Variants in UBR1 observed in about 807,000 individuals in gnomAD.
UBR1 encodes E3 ubiquitin-protein ligase UBR1.
A neutral mutation model predicts 242.1 loss-of-function variants in UBR1; 102 were observed. That is an observed-to-expected ratio of 0.42 (90% CI 0.36 to 0.50). The LOEUF is 0.50. Among genes scored for constraint, UBR1 ranks in the 20% least tolerant of loss-of-function variants. UBR1 has a pLI of 0.01. For missense variants in UBR1, 1,772 were observed against 2,101.8 expected, an observed-to-expected ratio of 0.84 and a Z score of 3.07; for synonymous variants, 675 against 684.8, an observed-to-expected ratio of 0.99 and a Z score of 0.22.
At chr15:43,054,966 T>C in intron 11 of UBR1, 67 bp from the exon 12 acceptor site, 2 of 1,545,826 alleles carry the variant, frequency 1.3e-6, no homozygotes, top group Non-Finnish European at 1.8e-6. Flanking sequence ...AATTTATTCA[T>C]TCATTTGGTT....
At chr15:43,069,487 G>A (rs191114375) in intron 5 of UBR1, among the ~76,000 whole-genome samples, 301 of 152,254 alleles carry the variant, frequency 2.0e-3, no homozygotes, top group African/African-American at 7.1e-3. Flanking sequence ...ATGCTAGCCA[G>A]GATGGTCTCG....
chr15:43,079,418 A>G (rs927236498), intron 3 of UBR1, among the ~76,000 whole-genome samples: 1 of 152,246 alleles, frequency 6.6e-6, no homozygotes, highest in African/African-American at 2.4e-5. Flanking sequence ...AAAAGGGCCC[A>G]TGAATTCTTG....
intron 26 of UBR1, among the ~76,000 whole-genome samples, chr15:43,022,231 T>C (rs1043286543): frequency 6.6e-5 from 10 of 152,160 alleles, no homozygotes; most frequent in African/African-American, 2.4e-4. Context: ...GTAGCATTTA[T>C]TAGAAATCTA....
chr15:43,020,941 ATTTG>A, intron 27 of UBR1: 1 of 265,880 alleles, frequency 3.8e-6, no homozygotes, highest in Non-Finnish European at 7.3e-6. Flanking sequence ...TTGTTTATTT[ATTTG>A]TTTAATGTCT....
intron 6 of UBR1, among the ~76,000 whole-genome samples, chr15:43,064,904 C>A (rs750704608): frequency 6.6e-6 from 1 of 152,138 alleles, no homozygotes; most frequent in Non-Finnish European, 1.5e-5. Context: ...CAGGGTCCTA[C>A]TAGGACAAAA....
intron 3 of UBR1, among the ~76,000 whole-genome samples, 182 bp from the exon 4 acceptor site, chr15:43,075,271 C>G (rs1038699583): frequency 1.3e-5 from 2 of 152,112 alleles, no homozygotes; most frequent in African/African-American, 4.8e-5. Flanking sequence ...AACCAACAAA[C>G]CAAAACTTCC....
chr15:43,001,659 T>A (rs2032727239), intron 32 of UBR1, among the ~76,000 whole-genome samples: 2 of 152,206 alleles, frequency 1.3e-5, no homozygotes, highest in Admixed American at 6.5e-5. Context: ...AAATATATAA[T>A]TAAATTTCCA....
Position 43,070,804 on chromosome 15 carries a change from A to C in UBR1, c.650T>G (p.Leu217Arg), listed in dbSNP as rs2033815615. ...WEEEKELPPE[L>R]QIREKNERYY... ...TGACAGTTTTCCCCACCTTATCTGG[A>C]GTTCAGGAGGCAGTTCTTTTTCCTC... The change falls in exon 5 of 47, where the codon CTC (leucine) becomes CGC (arginine). Residue 217 changes from leucine to arginine, a missense_variant. Leu to Arg is a moderately radical substitution (Grantham distance 102). Transcript: ENST00000290650. 6.2e-7 allele frequency: 1 copy of C among 1,613,442 alleles called. No homozygotes were observed. The highest frequency in any genetic ancestry group is 8.5e-7 in the Non-Finnish European group (1 of 1,179,958).
At chr15:43,027,990 C>T (rs906961956) in intron 21 of UBR1, among the ~76,000 whole-genome samples, 162 bp from the exon 22 acceptor site, 5 of 152,118 alleles carry the variant, frequency 3.3e-5, no homozygotes, top group African/African-American at 7.2e-5. Flanking sequence ...CAATTATCTA[C>T]GTTTTGGGAG....
At chr15:43,050,271 T>C (rs889388181) in intron 12 of UBR1, among the ~76,000 whole-genome samples, 2 of 152,048 alleles carry the variant, frequency 1.3e-5, no homozygotes, top group South Asian at 2.1e-4. Flanking sequence ...CCCAGATGAT[T>C]TGCTTCTGCA....
chr15:42,947,560 T>G (rs1462317360), intron 46 of UBR1, among the ~76,000 whole-genome samples: 1 of 152,086 alleles, frequency 6.6e-6, no homozygotes, highest in Non-Finnish European at 1.5e-5. Flanking sequence ...AAAATCTCCT[T>G]AAGCTGATAA....
intron 5 of UBR1, 147 bp from the exon 6 acceptor site, chr15:43,068,183 GA>G: frequency 3.4e-6 from 1 of 294,264 alleles, no homozygotes; most frequent in Non-Finnish European, 6.1e-6. Flanking sequence ...TATAGAATTT[GA>G]TTTTTTTTTT....
chr15:43,048,819 C>G (rs1447400492), intron 12 of UBR1, among the ~76,000 whole-genome samples: 2 of 152,208 alleles, frequency 1.3e-5, no homozygotes, highest in African/African-American at 2.4e-5. Context: ...TTCCCTAGAA[C>G]TGTTCACACC....
intron 35 of UBR1, among the ~76,000 whole-genome samples, chr15:42,986,080 T>G (rs1210973940): frequency 1.3e-5 from 2 of 152,110 alleles, no homozygotes; most frequent in Non-Finnish European, 2.9e-5. Context: ...ATGGTATTTA[T>G]TCCTAAATTA....
chr15:43,050,776 G>C (rs1172518771), intron 12 of UBR1, among the ~76,000 whole-genome samples: 1 of 146,728 alleles, frequency 6.8e-6, no homozygotes, highest in Non-Finnish European at 1.5e-5. Flanking sequence ...GAACAGAACA[G>C]ACACTTTTCA....
chr15:42,994,257 C>G (rs766541003), intron 33 of UBR1, among the ~76,000 whole-genome samples: 1 of 151,666 alleles, frequency 6.6e-6, no homozygotes, highest in Admixed American at 6.6e-5. Context: ...TATTAATAAT[C>G]CATGGAAAGG....
At chr15:43,035,659 T>C (rs1317038097) in intron 19 of UBR1, among the ~76,000 whole-genome samples, 2 of 149,716 alleles carry the variant, frequency 1.3e-5, no homozygotes, top group African/African-American at 4.9e-5. Flanking sequence ...ATTTTGTCTT[T>C]TGTTGCCATT....
intron 4 of UBR1, among the ~76,000 whole-genome samples, chr15:43,071,293 C>G (rs1045054427): frequency 2.0e-5 from 3 of 152,180 alleles, no homozygotes; most frequent in Non-Finnish European, 2.9e-5. Context: ...CCCAGATCCT[C>G]ATGGCTCTCT....
At chr15:43,091,628 A>C (rs1488963799) in intron 1 of UBR1, among the ~76,000 whole-genome samples, 1 of 152,150 alleles carries the variant, frequency 6.6e-6, no homozygotes, top group African/African-American at 2.4e-5. Flanking sequence ...CATGCTTTAT[A>C]ATGAATAATT....
Sources: gnomAD v4.1 joint callset for allele counts (sites outside exome capture counted in the v4.1 genomes callset) on GRCh38, gnomAD v4.1.1 for gene constraint, MANE v1.5 for transcripts, NCBI Gene and HGNC (gene_info 2026-07-23, HGNC 2026-07-21) for gene names.